DYM: variants seen among roughly 807,000 people sequenced by gnomAD.
The protein encoded by DYM is dymeclin.
Under a neutral mutation model 93.1 loss-of-function variants are expected in DYM, and 78 were observed. That is an observed-to-expected ratio of 0.84 (90% CI 0.70 to 1.01). The LOEUF is 1.01. Ranked by LOEUF, DYM falls within the 50% of genes least tolerant of loss-of-function variation. The pLI is 0.00. For missense variants in DYM, 789 were observed against 845.0 expected (o/e 0.93, Z 0.82); for synonymous variants, 321 against 319.7 (o/e 1.00, Z -0.04).
chr18:49,076,419 A>G (rs567020345), intron 17 of DYM, among the ~76,000 whole-genome samples: 10 of 152,352 alleles, frequency 6.6e-5, no homozygotes, highest in African/African-American at 1.9e-4. Flanking sequence ...CACAACACCA[A>G]TGTAATAACA....
chr18:49,148,747 T>G (rs2144672137), intron 15 of DYM, among the ~76,000 whole-genome samples: 1 of 152,304 alleles, frequency 6.6e-6, no homozygotes, highest in Middle Eastern at 3.4e-3. Context: ...TAAACAAGAT[T>G]CAGATAAACT....
Position 49,280,352 on chromosome 18 carries a change from A to G in DYM, c.1125+1645T>C, listed in dbSNP as rs139745355. On this transcript the variant is annotated intron_variant, in intron 10 of 17. Coordinates refer to ENST00000675505, the MANE Select transcript of DYM (RefSeq NM_001353214.3). ...GAGACTCCAGGGAGTGAGTTCAGAC[A>G]GTCCTAAAGCCTAAGCCTGCCAGAG... Among the ~76,000 whole-genome samples the G allele has an allele frequency of 1.4e-3, 219 of 152,368 alleles. 1 individual carries two copies. Among genetic ancestry groups the G allele is most frequent in the African/African-American group, 4.9e-3 (205 of 41,592 alleles).
intron 14 of DYM, among the ~76,000 whole-genome samples, chr18:49,196,953 T>C (rs2091510883): frequency 6.6e-6 from 1 of 152,124 alleles, no homozygotes; most frequent in Non-Finnish European, 1.5e-5. Flanking sequence ...AGATTTGATT[T>C]ATATTTTGGA....
At chr18:49,270,756 T>C (rs1170439233) in intron 11 of DYM, among the ~76,000 whole-genome samples, 2 of 152,144 alleles carry the variant, frequency 1.3e-5, no homozygotes, top group Non-Finnish European at 2.9e-5. Context: ...CAAGATTCCT[T>C]AAATCTTAGT....
rs754074743 is a variant in DYM, at chr18:49,101,291, T to C, written c.1912-3776A>G. Among the ~76,000 whole-genome samples the C allele has an allele frequency of 6.6e-5, 10 of 152,206 alleles. 1 individual carries two copies. The highest frequency in any genetic ancestry group is 1.7e-4 in the African/African-American group (7 of 41,454). On this transcript the variant is annotated intron_variant, in intron 16 of 17. Coordinates refer to ENST00000675505, the MANE Select transcript of DYM (RefSeq NM_001353214.3). ...TCAAAGACAACCTTTCAAAGGAAGG[T>C]ACTTTTCCAAAGCGCATGTTTTACA...
intron 11 of DYM, among the ~76,000 whole-genome samples, chr18:49,265,622 T>C (rs944402523): frequency 4.0e-5 from 6 of 151,690 alleles, no homozygotes; most frequent in African/African-American, 9.7e-5. Flanking sequence ...CTACTTAAAA[T>C]ACAAAATTAG....
intron 17 of DYM, among the ~76,000 whole-genome samples, chr18:49,052,581 G>C (rs146822837): frequency 9.3e-4 from 141 of 152,310 alleles, no homozygotes; most frequent in African/African-American, 3.2e-3. Flanking sequence ...GAGGCTAAGG[G>C]AAGTCCAACT....
chr18:49,324,138 C>CAAAAAAAA lies in DYM; in HGVS notation c.763+7718_763+7725dup, dbSNP rs59640889. Among the ~76,000 whole-genome samples the CAAAAAAAA allele has an allele frequency of 6.5e-3, 352 of 54,430 alleles. 48 individuals carry two copies. Among genetic ancestry groups the CAAAAAAAA allele is most frequent in the Non-Finnish European group, 8.8e-3 (273 of 31,182 alleles). The allele number at this position is 54,430 out of a possible 152,430, so 35.7% of individuals were successfully genotyped here. On this transcript the variant is annotated intron_variant, in intron 8 of 17. Coordinates refer to ENST00000675505, the MANE Select transcript of DYM (RefSeq NM_001353214.3). ...TGACAGAGCCAGATAGGCTCTGTCT[C>CAAAAAAAA]AAAAAAAAAAAAAAAAAAAAAAAAA... is the stretch of plus-strand genomic sequence containing the variant.
intron 11 of DYM, among the ~76,000 whole-genome samples, chr18:49,266,733 G>A (rs925164472): frequency 3.3e-5 from 5 of 152,134 alleles, no homozygotes; most frequent in African/African-American, 9.7e-5. Context: ...TTTGTCTTAC[G>A]TCAAGGTATT....
intron 2 of DYM, among the ~76,000 whole-genome samples, chr18:49,416,308 G>C (rs1276094560): frequency 6.6e-6 from 1 of 152,204 alleles, no homozygotes; most frequent in African/African-American, 2.4e-5. Flanking sequence ...CAGCTTTCCT[G>C]AATTCACAAA....
intron 17 of DYM, among the ~76,000 whole-genome samples, chr18:49,075,212 CT>C (rs1461121122): frequency 6.6e-6 from 1 of 152,224 alleles, no homozygotes; most frequent in East Asian, 1.9e-4. Context: ...GGGACATTCC[CT>C]CTTTCAGTTG....
intron 1 of DYM, among the ~76,000 whole-genome samples, chr18:49,457,921 G>T (rs1052759822): frequency 6.6e-6 from 1 of 152,164 alleles, no homozygotes; most frequent in Non-Finnish European, 1.5e-5. Flanking sequence ...GAGGAGGTAC[G>T]CCACAAGCCA....
chr18:49,215,975 G>A (rs967650650), intron 13 of DYM, among the ~76,000 whole-genome samples: 1 of 152,176 alleles, frequency 6.6e-6, no homozygotes, highest in Non-Finnish European at 1.5e-5. Context: ...AGCGCAAGGG[G>A]TCAGGGAGTT....
At chr18:49,282,878 A>C (rs1362154816) in intron 9 of DYM, among the ~76,000 whole-genome samples, 1 of 152,196 alleles carries the variant, frequency 6.6e-6, no homozygotes, top group African/African-American at 2.4e-5. Flanking sequence ...TTTCTACACA[A>C]AATAGAAAAT....
Position 49,450,160 on chromosome 18 carries a change from A to C in DYM, c.-54+10238T>G, listed in dbSNP as rs1018214824. 2.0e-5 allele frequency among the ~76,000 whole-genome samples: 3 copies of C among 152,212 alleles called. No homozygotes were observed. In the South Asian group the frequency reaches 6.2e-4, roughly 31 times the overall value. On this transcript the variant is annotated intron_variant, in intron 1 of 17. Transcript: ENST00000675505. ...ATCTTGCAAAAATGTATAAACATTA[A>C]CTAAATTCAAAAGGGTATTATATGG... is the stretch of plus-strand genomic sequence containing the variant.
At chr18:49,351,792 A>C (rs1403915601) in intron 6 of DYM, among the ~76,000 whole-genome samples, 1 of 152,238 alleles carries the variant, frequency 6.6e-6, no homozygotes, top group East Asian at 1.9e-4. Context: ...AAGGACTAAT[A>C]CTTTCTTCAA....
chr18:49,221,894 C>T (rs1245694079), intron 13 of DYM, among the ~76,000 whole-genome samples: 1 of 151,436 alleles, frequency 6.6e-6, no homozygotes, highest in East Asian at 1.9e-4. Context: ...TACCCTAAAA[C>T]TTAAACTGTA....
At chr18:49,172,238 C>T (rs2088836720) in intron 14 of DYM, among the ~76,000 whole-genome samples, 1 of 152,172 alleles carries the variant, frequency 6.6e-6, no homozygotes, top group Non-Finnish European at 1.5e-5. Context: ...AGTAGTTTTC[C>T]ATTGCACAGA....
chr18:49,118,556 A>G (rs529171236), intron 16 of DYM, 188 bp downstream of exon 16: 73 of 596,204 alleles, frequency 1.2e-4, no homozygotes, highest in African/African-American at 1.2e-3. Flanking sequence ...ATTGTATTAA[A>G]TATGTATGTG....
Sources: gnomAD v4.1 joint callset for allele counts (sites outside exome capture counted in the v4.1 genomes callset) on GRCh38, gnomAD v4.1.1 for gene constraint, MANE v1.5 for transcripts, NCBI Gene and HGNC (gene_info 2026-07-23, HGNC 2026-07-21) for gene names.